The following ARHGAP15 variants were observed in gnomAD, a reference collection of about 807,000 sequenced individuals.
ARHGAP15 encodes Rho GTPase activating protein 15.
In ARHGAP15, 51 loss-of-function variants were observed where a neutral mutation model predicts 63.7. The ratio of observed to expected loss-of-function variants is 0.80; its 90% CI spans 0.64 to 1.01. The LOEUF (loss-of-function observed/expected upper bound fraction) is 1.01. Among genes scored for constraint, ARHGAP15 ranks in the 50% least tolerant of loss-of-function variants. The pLI, the probability that ARHGAP15 is intolerant of heterozygous loss-of-function variation, is 0.00. For synonymous variants in ARHGAP15, 191 were observed against 193.8 expected, an observed-to-expected ratio of 0.99 and a Z score of 0.12; for missense variants, 560 against 564.6, an observed-to-expected ratio of 0.99 and a Z score of 0.08.
At chr2:143,696,221 C>T (rs763664170) in intron 12 of ARHGAP15, among the ~76,000 whole-genome samples, 7 of 151,980 alleles carry the variant, frequency 4.6e-5, no homozygotes, top group Non-Finnish European at 7.4e-5. Context: ...TAATGACATG[C>T]CTTATATTTA....
At chr2:143,236,066 T>C in intron 5 of ARHGAP15, 1 of 1,416,358 alleles carries the variant, frequency 7.1e-7, no homozygotes, top group Non-Finnish European at 9.4e-7. Flanking sequence ...GCTCTGCAAT[T>C]TAGAACATCC....
In ARHGAP15 at chr2:143,397,535, CAATT is replaced by C. The variant is rs576079306; in HGVS notation, c.475-38062_475-38059del. Reference sequence around the variant, plus strand: ...ATGTATTAGAGATACTGTGTGGAAACAATTAATATGTTAAAATATTGGCAAAAAA... The same window carrying C: ...ATGTATTAGAGATACTGTGTGGAAACAATATGTTAAAATATTGGCAAAAAA... On this transcript the variant is annotated intron_variant, in intron 6 of 13. Coordinates refer to ENST00000295095, the MANE Select transcript of ARHGAP15 (RefSeq NM_018460.4). 1.9e-4 allele frequency among the ~76,000 whole-genome samples: 28 copies of C among 150,966 alleles called. No homozygotes were observed. The East Asian group carries it at 4.3e-3, about 23-fold the overall frequency.
chr2:143,173,565 C>T (rs1475236993), intron 2 of ARHGAP15, among the ~76,000 whole-genome samples: 1 of 151,742 alleles, frequency 6.6e-6, no homozygotes, highest in Non-Finnish European at 1.5e-5. Context: ...GGGCAAACAT[C>T]AAGGTAAATA....
chr2:143,390,664 G>A (rs1260806316), intron 6 of ARHGAP15, among the ~76,000 whole-genome samples: 1 of 151,324 alleles, frequency 6.6e-6, no homozygotes, highest in Non-Finnish European at 1.5e-5. Context: ...GTGCTTCCTA[G>A]TTCCAACACA....
chr2:143,483,674 C>T (rs1397347264), intron 8 of ARHGAP15, among the ~76,000 whole-genome samples: 1 of 152,170 alleles, frequency 6.6e-6, no homozygotes. Flanking sequence ...GTGGTCACTG[C>T]GATGACTGGA....
chr2:143,691,443 G>A (rs1412509650), intron 12 of ARHGAP15, among the ~76,000 whole-genome samples: 2 of 152,194 alleles, frequency 1.3e-5, no homozygotes, highest in African/African-American at 4.8e-5. Flanking sequence ...GCACCCTACT[G>A]TAGCCAATGG....
chr2:143,148,821 A>G (rs527423685), intron 1 of ARHGAP15, among the ~76,000 whole-genome samples: 196 of 152,148 alleles, frequency 1.3e-3, no homozygotes, highest in Non-Finnish European at 2.4e-3. Context: ...GTGGTCGGGG[A>G]AATTAGACTT....
chr2:143,321,356 TC>T (rs1242309908), intron 6 of ARHGAP15, among the ~76,000 whole-genome samples: 1 of 152,216 alleles, frequency 6.6e-6, no homozygotes, highest in Non-Finnish European at 1.5e-5. Context: ...CTGACTTAAG[TC>T]CCTTTGCTCT....
Position 143,291,638 on chromosome 2 carries a change from T to A in ARHGAP15, c.474+41038T>A, listed in dbSNP as rs1245731525. The stretch of plus-strand genomic sequence containing the variant: ...TAGATGCCAGGCAATCCAGACAGGA[T>A]CCCATTATCTTCCTCTCTTGCCACT... On this transcript the variant is annotated intron_variant, in intron 6 of 13. Transcript: ENST00000295095. Among the ~76,000 whole-genome samples the A allele has an allele frequency of 4.6e-5, 7 of 152,072 alleles. No individual in the cohort carries two copies. The South Asian group carries it at 1.2e-3, about 27-fold the overall frequency.
intron 6 of ARHGAP15, among the ~76,000 whole-genome samples, chr2:143,383,979 A>G (rs1302119224): frequency 6.6e-6 from 1 of 152,110 alleles, no homozygotes; most frequent in East Asian, 1.9e-4. Context: ...CACCTGCATG[A>G]TCTTCTGGGG....
intron 12 of ARHGAP15, among the ~76,000 whole-genome samples, chr2:143,651,769 C>G (rs57898929): frequency 0.24 from 36,198 of 151,828 alleles, 4,592 homozygotes; most frequent in Middle Eastern, 0.3. Context: ...TAGGTTTGTA[C>G]AGGTATTACA....
intron 6 of ARHGAP15, among the ~76,000 whole-genome samples, chr2:143,261,972 G>A (rs1423778594): frequency 6.6e-6 from 1 of 152,106 alleles, no homozygotes; most frequent in Non-Finnish European, 1.5e-5. Context: ...GCCTCTGGGT[G>A]GGGATAATGT....
chr2:143,370,831 C>G (rs573154661), intron 6 of ARHGAP15, among the ~76,000 whole-genome samples: 1 of 152,268 alleles, frequency 6.6e-6, no homozygotes, highest in South Asian at 2.1e-4. Context: ...ACTTCTTTCT[C>G]TACTATGGTA....
At chr2:143,606,869 A>G (rs1362654813) in intron 11 of ARHGAP15, 1 of 152,204 alleles carries the variant, frequency 6.6e-6, no homozygotes, top group Non-Finnish European at 1.5e-5. Flanking sequence ...CTGAATGGGT[A>G]TGATCCCAAC....
At chr2:143,691,747 G>A (rs1341480594) in intron 12 of ARHGAP15, among the ~76,000 whole-genome samples, 1 of 152,154 alleles carries the variant, frequency 6.6e-6, no homozygotes, top group Non-Finnish European at 1.5e-5. Flanking sequence ...CACACTTGGA[G>A]AATTCATCAA....
intron 11 of ARHGAP15, among the ~76,000 whole-genome samples, chr2:143,580,952 T>C (rs1696877842): frequency 6.6e-6 from 1 of 152,174 alleles, no homozygotes; most frequent in African/African-American, 2.4e-5. Context: ...GCACTTCCTA[T>C]GGGCTAGGTA....
chr2:143,395,363 A>ACC (rs1337426460), intron 6 of ARHGAP15, among the ~76,000 whole-genome samples: 2 of 152,120 alleles, frequency 1.3e-5, no homozygotes, highest in African/African-American at 4.8e-5. Flanking sequence ...ACCTAGAACT[A>ACC]AGAATTCTCT....
intron 11 of ARHGAP15, among the ~76,000 whole-genome samples, chr2:143,613,236 C>A (rs1482481728): frequency 6.6e-6 from 1 of 152,098 alleles, no homozygotes; most frequent in Non-Finnish European, 1.5e-5. Flanking sequence ...AAAATGAGGT[C>A]AATTATTAAT....
intron 13 of ARHGAP15, among the ~76,000 whole-genome samples, chr2:143,730,042 G>A (rs1685456979): frequency 6.6e-6 from 1 of 152,176 alleles, no homozygotes. Flanking sequence ...AAGGAATTGA[G>A]AACAGAGGAA....
Sources: allele counts gnomAD v4.1 joint callset (sites outside exome capture counted in the v4.1 genomes callset), GRCh38; gene constraint gnomAD v4.1.1; transcripts MANE v1.5; gene names NCBI Gene and HGNC (gene_info 2026-07-23, HGNC 2026-07-21).